The following SCFD2 variants were observed in gnomAD, a reference collection of about 807,000 sequenced individuals.
The protein encoded by SCFD2 is sec1 family domain containing 2, also known as sec1 family domain-containing protein 2.
In SCFD2, 54 loss-of-function variants were observed where a neutral mutation model predicts 58.9. The ratio of observed to expected loss-of-function variants is 0.92; its 90% confidence interval spans 0.74 to 1.15. SCFD2 has a LOEUF of 1.15. SCFD2 is among the 50% of genes most tolerant of loss of function. The pLI is 0.00. For missense variants in SCFD2, 805 were observed against 836.6 expected, an observed-to-expected ratio of 0.96 and a Z score of 0.47; for synonymous variants, 321 against 335.9, an observed-to-expected ratio of 0.96 and a Z score of 0.49.
intron 5 of SCFD2, among the ~76,000 whole-genome samples, chr4:52,987,499 T>G (rs1721523937): frequency 6.6e-6 from 1 of 152,198 alleles, no homozygotes. Context: ...CTCCTTTTCA[T>G]CTCCTTTTCC....
At chr4:53,270,567 T>C (rs1731131917) in intron 4 of SCFD2, among the ~76,000 whole-genome samples, 1 of 152,160 alleles carries the variant, frequency 6.6e-6, no homozygotes, top group South Asian at 2.1e-4. Flanking sequence ...ACTGACTTTA[T>C]TCACAGATAA....
chr4:52,880,354 C>T (rs897675703), intron 8 of SCFD2, among the ~76,000 whole-genome samples: 1 of 151,488 alleles, frequency 6.6e-6, no homozygotes, highest in African/African-American at 2.4e-5. Flanking sequence ...TGGTGGCTCA[C>T]TCCTGTAATC....
chr4:53,348,246 T>C (rs1734113043), intron 2 of SCFD2, among the ~76,000 whole-genome samples: 1 of 152,260 alleles, frequency 6.6e-6, no homozygotes, highest in South Asian at 2.1e-4. Context: ...TTTATAAAAA[T>C]TATCTTAGCA....
At chr4:53,347,278 AG>A (rs549635078) in intron 2 of SCFD2, among the ~76,000 whole-genome samples, 7 of 152,194 alleles carry the variant, frequency 4.6e-5, no homozygotes, top group Non-Finnish European at 1.0e-4. Flanking sequence ...GTCTTAGTCA[AG>A]TAGCCTCACT....
intron 4 of SCFD2, among the ~76,000 whole-genome samples, chr4:53,197,852 T>C: frequency 6.6e-6 from 1 of 151,996 alleles, no homozygotes; most frequent in East Asian, 1.9e-4. Context: ...TAATGAGATG[T>C]TAATTTCAAA....
chr4:53,097,886 T>A (rs1488030692), intron 5 of SCFD2, among the ~76,000 whole-genome samples: 1 of 152,216 alleles, frequency 6.6e-6, no homozygotes, highest in East Asian at 1.9e-4. Context: ...TTGAGATATG[T>A]CCAATCAATA....
intron 3 of SCFD2, among the ~76,000 whole-genome samples, chr4:53,308,683 G>A (rs1483984302): frequency 2.6e-5 from 4 of 152,132 alleles, no homozygotes; most frequent in East Asian, 1.9e-4. Context: ...TCTCAATGCT[G>A]TTTTTAAAAA....
chr4:53,326,127 AATTTT>A (rs1439935290), intron 2 of SCFD2, among the ~76,000 whole-genome samples: 1 of 151,874 alleles, frequency 6.6e-6, no homozygotes, highest in Non-Finnish European at 1.5e-5. Flanking sequence ...CATTATTTAA[AATTTT>A]ATTTATTTTA....
chr4:52,878,221 T>G (rs917662677), intron 8 of SCFD2, among the ~76,000 whole-genome samples: 1 of 152,204 alleles, frequency 6.6e-6, no homozygotes, highest in Non-Finnish European at 1.5e-5. Flanking sequence ...AGGTCTTTGA[T>G]TGAGTCAGTT....
chr4:53,118,501 T>C (rs576299854), intron 5 of SCFD2, among the ~76,000 whole-genome samples: 1 of 152,318 alleles, frequency 6.6e-6, no homozygotes, highest in African/African-American at 2.4e-5. Context: ...GAAAATCCTT[T>C]GAAAACATGA....
intron 5 of SCFD2, among the ~76,000 whole-genome samples, chr4:53,014,941 C>T (rs571110382): frequency 3.9e-5 from 6 of 152,300 alleles, no homozygotes; most frequent in African/African-American, 1.2e-4. Flanking sequence ...TATAAGGGTA[C>T]ATAGAAATAT....
At chr4:52,893,960 T>A (rs994615237) in intron 7 of SCFD2, among the ~76,000 whole-genome samples, 1 of 152,170 alleles carries the variant, frequency 6.6e-6, no homozygotes, top group Admixed American at 6.5e-5. Context: ...TTTCTTTAAG[T>A]TATTGCAATT....
intron 4 of SCFD2, among the ~76,000 whole-genome samples, chr4:53,237,320 T>C (rs971163619): frequency 2.0e-5 from 3 of 151,652 alleles, no homozygotes; most frequent in Admixed American, 6.6e-5. Context: ...AAAGCCGCCA[T>C]TGTCATCCTG....
At chr4:53,012,750 A>G (rs758929378) in intron 5 of SCFD2, among the ~76,000 whole-genome samples, 21 of 151,568 alleles carry the variant, frequency 1.4e-4, no homozygotes, top group Non-Finnish European at 2.9e-4. Context: ...TATGGAGTTA[A>G]TTGACATCTT....
At chr4:53,303,963 GA>G (rs1221683408) in intron 3 of SCFD2, among the ~76,000 whole-genome samples, 2 of 117,932 alleles carry the variant, frequency 1.7e-5, no homozygotes, top group African/African-American at 3.4e-5. Context: ...CGGGTGGGGG[GA>G]GGGGGGAGGG....
intron 4 of SCFD2, among the ~76,000 whole-genome samples, chr4:53,207,537 T>TA (rs1491503428): frequency 2.8e-3 from 28 of 9,986 alleles, no homozygotes; most frequent in African/African-American, 0.012. Flanking sequence ...TATTTATATA[T>TA]TATATATATA....
intron 4 of SCFD2, among the ~76,000 whole-genome samples, chr4:53,181,356 C>T (rs964276543): frequency 6.6e-6 from 1 of 152,150 alleles, no homozygotes; most frequent in African/African-American, 2.4e-5. Flanking sequence ...TCAACATACA[C>T]AAATCAATAA....
chr4:53,283,172 A>C (rs1340697768), intron 3 of SCFD2, among the ~76,000 whole-genome samples: 1 of 152,258 alleles, frequency 6.6e-6, no homozygotes, highest in Admixed American at 6.5e-5. Flanking sequence ...ATACTTACCC[A>C]GTCGATAGTC....
chr4:53,258,400 G>A (rs367943740), intron 4 of SCFD2, among the ~76,000 whole-genome samples: 9 of 151,556 alleles, frequency 5.9e-5, no homozygotes, highest in East Asian at 3.9e-4. Context: ...TCCCACTTTC[G>A]AGTGAGAACA....
Sources: gnomAD v4.1 joint callset for allele counts (sites outside exome capture counted in the v4.1 genomes callset) on GRCh38, gnomAD v4.1.1 for gene constraint, MANE v1.5 for transcripts, NCBI Gene and HGNC (gene_info 2026-07-23, HGNC 2026-07-21) for gene names.